Variants in PTK2 observed in about 807,000 individuals in gnomAD.
The protein encoded by PTK2 is protein tyrosine kinase 2.
In PTK2, 45 loss-of-function variants were observed where a neutral mutation model predicts 150.1. The observed-to-expected ratio is 0.30, with a 90% CI of 0.24 to 0.38. PTK2 has a LOEUF of 0.38. Among genes scored for constraint, PTK2 ranks in the 10% least tolerant of loss-of-function variants. The pLI is 1.00. For missense variants in PTK2, 919 were observed against 1,307.3 expected, an observed-to-expected ratio of 0.70 and a Z score of 4.58; for synonymous variants, 432 against 449.2, an observed-to-expected ratio of 0.96 and a Z score of 0.48.
At chr8:140,832,442 G>A (rs761774750) in intron 7 of PTK2, among the ~76,000 whole-genome samples, 3 of 152,182 alleles carry the variant, frequency 2.0e-5, no homozygotes, top group African/African-American at 7.2e-5. Context: ...TGTAAAGTGG[G>A]GATGTGAACT....
chr8:140,732,164 A>G (rs1008159020), intron 22 of PTK2, among the ~76,000 whole-genome samples: 2 of 152,250 alleles, frequency 1.3e-5, no homozygotes, highest in African/African-American at 4.8e-5. Flanking sequence ...TTATTGTGAT[A>G]CACTGTTATA....
intron 27 of PTK2, among the ~76,000 whole-genome samples, chr8:140,677,438 C>T (rs573924214): frequency 1.3e-5 from 2 of 152,298 alleles, no homozygotes; most frequent in East Asian, 1.9e-4. Context: ...GTTGTCATAC[C>T]TGAAACTGCA....
chr8:140,759,632 G>T (rs924073470), intron 16 of PTK2, among the ~76,000 whole-genome samples: 2 of 151,738 alleles, frequency 1.3e-5, no homozygotes, highest in African/African-American at 4.8e-5. Context: ...CAAGACAGGA[G>T]GATCACCTGA....
chr8:140,765,121 C>T (rs953862416), intron 14 of PTK2: 3 of 152,090 alleles, frequency 2.0e-5, no homozygotes, highest in South Asian at 2.1e-4. Flanking sequence ...TCTAGAAAAA[C>T]GAAAATCTTC....
chr8:140,830,429 C>A, intron 8 of PTK2, 43 bp downstream of exon 8: 1 of 1,312,076 alleles, frequency 7.6e-7, no homozygotes, highest in Non-Finnish European at 1.1e-6. Flanking sequence ...AAGGTCTTGG[C>A]ATAATTTTGT....
In PTK2 at chr8:140,988,294, AG is replaced by A. The variant is rs1403483591; in HGVS notation, c.-122+12830del. Among the ~76,000 whole-genome samples, 5 of 152,352 alleles carry A rather than the reference AG, an allele frequency of 3.3e-5. No individual in the cohort carries two copies. The South Asian group carries it at 1.0e-3, about 32-fold the overall frequency. On this transcript the variant is annotated intron_variant, in intron 1 of 31. Transcript: ENST00000522684. ...TCTAAAACATATATTGATCTGCAAAAGGTCAAGAACAGCCAAGGTACTCTTG... is the reference window on the plus strand; with the variant it reads ...TCTAAAACATATATTGATCTGCAAAAGTCAAGAACAGCCAAGGTACTCTTG...
At chr8:140,831,714 A>T (rs577956709) in intron 7 of PTK2, among the ~76,000 whole-genome samples, 1 of 152,212 alleles carries the variant, frequency 6.6e-6, no homozygotes, top group Non-Finnish European at 1.5e-5. Context: ...GGTTTTACCC[A>T]TCAGTTAATT....
At chr8:140,780,445 T>A (rs1788102980) in intron 14 of PTK2, among the ~76,000 whole-genome samples, 1 of 152,086 alleles carries the variant, frequency 6.6e-6, no homozygotes, top group Admixed American at 6.5e-5. Context: ...TTCTTTAGGT[T>A]CTAACAAGCA....
chr8:140,983,083 C>T (rs1048237265), intron 1 of PTK2, among the ~76,000 whole-genome samples: 1 of 152,134 alleles, frequency 6.6e-6, no homozygotes, highest in Non-Finnish European at 1.5e-5. Flanking sequence ...AAGAAACAAA[C>T]AGATGCTTAT....
At chr8:140,949,783 T>G (rs1178915483) in intron 1 of PTK2, among the ~76,000 whole-genome samples, 2 of 151,948 alleles carry the variant, frequency 1.3e-5, no homozygotes, top group Non-Finnish European at 2.9e-5. Flanking sequence ...GGCTCCTGGA[T>G]AGAAAGGGGC....
intron 2 of PTK2, among the ~76,000 whole-genome samples, chr8:140,916,507 C>A (rs902132027): frequency 6.6e-6 from 1 of 152,144 alleles, no homozygotes; most frequent in Non-Finnish European, 1.5e-5. Context: ...CAATAAAATG[C>A]ACCTTTTCAA....
At chr8:140,742,637 G>C (rs144302461) in intron 20 of PTK2, among the ~76,000 whole-genome samples, 59 of 152,262 alleles carry the variant, frequency 3.9e-4, no homozygotes, top group African/African-American at 1.3e-3. Flanking sequence ...ACATGCTTAT[G>C]TGCAATCCAT....
chr8:140,671,283 G>C (rs1256669170), intron 29 of PTK2, among the ~76,000 whole-genome samples: 2 of 152,152 alleles, frequency 1.3e-5, no homozygotes, highest in Non-Finnish European at 2.9e-5. Flanking sequence ...GTGCAGTAGT[G>C]TGATCTCAGC....
intron 7 of PTK2, among the ~76,000 whole-genome samples, chr8:140,832,059 GTGTT>G (rs2100115732): frequency 6.6e-6 from 1 of 152,166 alleles, no homozygotes; most frequent in South Asian, 2.1e-4. Context: ...TCATATCAGA[GTGTT>G]TGTTTTTTTG....
At chr8:140,935,514 G>A (rs2154608663) in intron 1 of PTK2, among the ~76,000 whole-genome samples, 1 of 152,228 alleles carries the variant, frequency 6.6e-6, no homozygotes, top group African/African-American at 2.4e-5. Context: ...TACCTCGCCT[G>A]AATATAAACG....
At chr8:140,790,168 GA>G (rs1439513439) in intron 13 of PTK2, among the ~76,000 whole-genome samples, 3 of 151,996 alleles carry the variant, frequency 2.0e-5, no homozygotes, top group African/African-American at 7.2e-5. Context: ...AAAACACAGG[GA>G]AAAAAGGAGC....
chr8:140,766,587 C>A (rs183622725), intron 14 of PTK2, among the ~76,000 whole-genome samples: 1 of 152,220 alleles, frequency 6.6e-6, no homozygotes, highest in African/African-American at 2.4e-5. Context: ...TTGCTCAACA[C>A]TGTGTCCTCA....
chr8:141,000,127 C>CACCCA (rs58481152), intron 1 of PTK2, among the ~76,000 whole-genome samples: 2 of 123,774 alleles, frequency 1.6e-5, no homozygotes, highest in Admixed American at 7.6e-5. Context: ...ACACACACAC[C>CACCCA]CCTTCTTCTA....
intron 14 of PTK2, among the ~76,000 whole-genome samples, chr8:140,788,683 C>CA (rs1184392581): frequency 9.3e-5 from 14 of 150,794 alleles, no homozygotes; most frequent in Non-Finnish European, 1.3e-4. Flanking sequence ...GACTCTGTCT[C>CA]AAAAAAAACT....
Sources: gnomAD v4.1 joint callset for allele counts (sites outside exome capture counted in the v4.1 genomes callset) on GRCh38, gnomAD v4.1.1 for gene constraint, MANE v1.5 for transcripts, NCBI Gene and HGNC (gene_info 2026-07-23, HGNC 2026-07-21) for gene names.